Variants in CHD7 observed in about 807,000 individuals in gnomAD.
CHD7 encodes the protein ATP-dependent chromatin remodeler CHD7.
A neutral mutation model predicts 307.3 loss-of-function variants in CHD7; 24 were observed. The ratio of observed to expected loss-of-function variants is 0.08; its 90% CI spans 0.06 to 0.11. The LOEUF (loss-of-function observed/expected upper bound fraction) is 0.11, where lower values mean the gene tolerates loss of function less well. Ranked by LOEUF, CHD7 falls within the 10% of genes least tolerant of loss-of-function variation. The probability of loss-of-function intolerance (pLI) is 1.00; values close to 1 mark genes in which losing one functional copy is unlikely to be tolerated. For missense variants in CHD7, 3,106 were observed against 3,727.1 expected, an observed-to-expected ratio of 0.83 and a Z score of 4.34; for synonymous variants, 1,363 against 1,349.9, an observed-to-expected ratio of 1.01 and a Z score of -0.21.
intron 7 of CHD7, among the ~76,000 whole-genome samples, chr8:60,810,233 G>A (rs150031266): frequency 3.9e-5 from 6 of 152,192 alleles, no homozygotes; most frequent in Non-Finnish European, 8.8e-5. Context: ...TAGTTATGGA[G>A]TCAGTTACTT....
Position 60,806,235 on chromosome 8 carries a change from G to T in CHD7, c.2443-1982G>T, listed in dbSNP as rs568181484. Among the ~76,000 whole-genome samples, 5 of 152,012 alleles carry T rather than the reference G, an allele frequency of 3.3e-5. No homozygotes were observed. The South Asian group carries it at 1.0e-3, about 31-fold the overall frequency. On this transcript the variant is annotated intron_variant, in intron 6 of 37. Transcript: ENST00000423902. ...AAAAATTAGCCGGGCATGGTGGCGG[G>T]GCCTGTAGTCCCAGCTACTCAGGAG...
chr8:60,780,525 T>A (rs1028805925), intron 2 of CHD7, among the ~76,000 whole-genome samples: 3 of 152,274 alleles, frequency 2.0e-5, no homozygotes, highest in Non-Finnish European at 4.4e-5. Flanking sequence ...CACTTTTATT[T>A]CAGACTTTCA....
At chr8:60,725,374 G>A (rs767775072) in intron 1 of CHD7, among the ~76,000 whole-genome samples, 1 of 152,216 alleles carries the variant, frequency 6.6e-6, no homozygotes, top group Non-Finnish European at 1.5e-5. Flanking sequence ...GGAATTCTGA[G>A]TAGTATCCCA....
intron 32 of CHD7, among the ~76,000 whole-genome samples, 185 bp downstream of exon 32, chr8:60,854,708 C>A (rs1805627084): frequency 6.6e-6 from 1 of 152,084 alleles, no homozygotes; most frequent in Non-Finnish European, 1.5e-5. Context: ...TTGTAGAACA[C>A]TTTTCTAATA....
intron 2 of CHD7, among the ~76,000 whole-genome samples, chr8:60,757,749 C>T (rs1038351): frequency 0.77 from 116,783 of 151,632 alleles, 45,237 homozygotes; most frequent in East Asian, 0.94. Flanking sequence ...TTTTGAGCCA[C>T]TCTGATTTGA....
intron 9 of CHD7, among the ~76,000 whole-genome samples, chr8:60,821,255 A>C (rs1393963852): frequency 6.6e-6 from 1 of 152,218 alleles, no homozygotes; most frequent in African/African-American, 2.4e-5. Flanking sequence ...CAGATAAAAA[A>C]AATCTCAAAT....
intron 2 of CHD7, among the ~76,000 whole-genome samples, chr8:60,777,448 C>G (rs995301315): frequency 2.6e-5 from 4 of 152,186 alleles, no homozygotes. Context: ...CCAGAAAATG[C>G]TGATGAATTG....
chr8:60,703,923 C>G (rs1214527474), intron 1 of CHD7, among the ~76,000 whole-genome samples: 1 of 152,196 alleles, frequency 6.6e-6, no homozygotes, highest in Admixed American at 6.5e-5. Flanking sequence ...GTAAAACTTT[C>G]TCTTAATCTT....
intron 1 of CHD7, among the ~76,000 whole-genome samples, chr8:60,722,049 G>GC: frequency 6.6e-6 from 1 of 152,282 alleles, no homozygotes; most frequent in African/African-American, 2.4e-5. Context: ...AAATTATAAA[G>GC]CAAAAGTAAG....
chr8:60,814,341 C>T (rs905617222), intron 7 of CHD7, among the ~76,000 whole-genome samples: 2 of 152,218 alleles, frequency 1.3e-5, no homozygotes, highest in South Asian at 2.1e-4. Flanking sequence ...GGCTTTTGCA[C>T]CTCAGCCAAG....
intron 2 of CHD7, among the ~76,000 whole-genome samples, chr8:60,771,866 C>T (rs984208164): frequency 2.6e-5 from 4 of 152,220 alleles, no homozygotes; most frequent in African/African-American, 9.6e-5. Context: ...TTCCCACCCT[C>T]AAGAAGGGTC....
intron 15 of CHD7, among the ~76,000 whole-genome samples, chr8:60,832,255 G>A (rs946854580): frequency 6.6e-6 from 1 of 152,052 alleles, no homozygotes; most frequent in Non-Finnish European, 1.5e-5. Flanking sequence ...GAACTCCTGA[G>A]CTCAAGTGAT....
intron 2 of CHD7, among the ~76,000 whole-genome samples, chr8:60,744,478 ATTTTTTTTTTTTTT>A (rs569101482): frequency 1.5e-5 from 1 of 66,670 alleles, no homozygotes; most frequent in African/African-American, 7.4e-5. Context: ...TCAGAGCAGC[ATTTTTTTTTTTTTT>A]TTTTTTTTTT....
intron 3 of CHD7, among the ~76,000 whole-genome samples, chr8:60,786,581 A>G (rs1409875607): frequency 6.6e-6 from 1 of 152,118 alleles, no homozygotes; most frequent in Non-Finnish European, 1.5e-5. Flanking sequence ...ATGGAAGTTC[A>G]GGTGTAAGGA....
rs533208781 is a variant in CHD7 at position 60,760,552 on chromosome 8, A to G, written c.1665+17455A>G. Among the ~76,000 whole-genome samples, 221 of 144,392 alleles carry G rather than the reference A, an allele frequency of 1.5e-3. 1 individual carries two copies. Among genetic ancestry groups the G allele is most frequent in the African/African-American group, 5.3e-3 (206 of 38,618 alleles). The allele number at this position is 144,392 out of a possible 152,430, so 94.7% of individuals were successfully genotyped here. ...AAAAGAAACTACCATCAGAGTGAAC[A>G]GGCAACCTACAAAATGGGAGAAAAT... On this transcript the variant is annotated intron_variant, in intron 2 of 37. Transcript: ENST00000423902.
intron 4 of CHD7, among the ~76,000 whole-genome samples, chr8:60,795,914 G>C (rs928872668): frequency 1.3e-5 from 2 of 152,202 alleles, no homozygotes; most frequent in Non-Finnish European, 2.9e-5. Context: ...AGCAGTTACT[G>C]AAGAGTTGTC....
intron 2 of CHD7, among the ~76,000 whole-genome samples, chr8:60,751,766 A>G (rs533402116): frequency 1.3e-5 from 2 of 152,212 alleles, no homozygotes; most frequent in Admixed American, 6.5e-5. Context: ...ACATGACTGC[A>G]GGAGTGGTGG....
intron 1 of CHD7, among the ~76,000 whole-genome samples, chr8:60,687,608 A>G (rs1805973475): frequency 6.6e-6 from 1 of 152,260 alleles, no homozygotes; most frequent in South Asian, 2.1e-4. Flanking sequence ...ATCAAGTAAA[A>G]TAGTGCAGAA....
At chr8:60,795,202 G>T (rs1478639052) in intron 4 of CHD7, 75 bp downstream of exon 4, 1 of 1,381,972 alleles carries the variant, frequency 7.2e-7, no homozygotes, top group African/African-American at 1.4e-5. Context: ...AAGTACACAA[G>T]ACCTCCCCTA....
Sources: allele counts gnomAD v4.1 joint callset (sites outside exome capture counted in the v4.1 genomes callset), GRCh38; gene constraint gnomAD v4.1.1; transcripts MANE v1.5; gene names NCBI Gene and HGNC (gene_info 2026-07-23, HGNC 2026-07-21).